TSPAN31: variants seen among roughly 807,000 people sequenced by gnomAD.
The protein encoded by TSPAN31 is tetraspanin-31.
A neutral mutation model predicts 24.8 loss-of-function variants in TSPAN31; 16 were observed. The ratio of observed to expected loss-of-function variants is 0.64; its 90% CI spans 0.44 to 0.98. TSPAN31 has a LOEUF of 0.98. Among genes scored for constraint, TSPAN31 ranks in the 50% least tolerant of loss-of-function variants. TSPAN31 has a pLI of 0.00. For synonymous variants in TSPAN31, 87 were observed against 91.4 expected (o/e 0.95, Z 0.27); for missense variants, 209 against 251.6 (o/e 0.83, Z 1.15).
At position 57,749,933 on chromosome 12, in the gene TSPAN31, GTTGC is replaced by G; in HGVS notation, c.*2644_*2647del. ...AATTGCTTGAATCTGGGAGGTGGAG[GTTGC>G]AGTGAGCAGAGATCGCACTACTGCA... On this transcript the variant is annotated 3_prime_UTR_variant, in exon 6 of 6. Transcript: ENST00000257910. 1 of 266,906 alleles carries G rather than the reference GTTGC, an allele frequency of 3.7e-6. No individual in the cohort carries two copies. The highest frequency in any genetic ancestry group is 5.0e-5 in the Admixed American group (1 of 20,022). The allele number at this position is 266,906 out of a possible 1,614,324, so 16.5% of individuals were successfully genotyped here. A position where few individuals can be genotyped will look rare whatever the true frequency, so the allele number is the denominator to read the frequency against.
At chr12:57,746,400 G>A (rs1172071294) in intron 3 of TSPAN31, 144 bp downstream of exon 3, 1 of 1,118,512 alleles carries the variant, frequency 8.9e-7, no homozygotes, top group Non-Finnish European at 1.4e-6. Flanking sequence ...TGCTTCCTCT[G>A]GGATGTCTGG....
rs1442660334 is a variant in TSPAN31, at chr12:57,749,562, G to T, written c.*2272G>T. On this transcript the variant is annotated 3_prime_UTR_variant, in exon 6 of 6. Transcript: ENST00000257910. ...TTTTCAAAGATATCTTAGTTGAATG[G>T]TTACTGCTTAGTGGCTCAAAATAGG... 2.0e-6 allele frequency: 3 copies of T among 1,519,020 alleles called. No individual in the cohort carries two copies. The highest frequency in any genetic ancestry group is 1.4e-5 in the African/African-American group (1 of 72,818). The allele number at this position is 1,519,020 out of a possible 1,614,324, so 94.1% of individuals were successfully genotyped here. A position where few individuals can be genotyped will look rare whatever the true frequency, so the allele number is the denominator to read the frequency against.
chr12:57,746,934 A>G, intron 4 of TSPAN31, 84 bp from the exon 5 acceptor site: 1 of 1,419,028 alleles, frequency 7.0e-7, no homozygotes, highest in African/African-American at 1.4e-5. Context: ...GATAACAGTA[A>G]AGTTTCTAGG....
Position 57,745,346 on chromosome 12 carries a change from G to A in TSPAN31, c.63+129G>A, listed in dbSNP as rs1444555338. ...GATTCCCAGGAACTTCCGGCGACGA[G>A]GGAATTCCTGGGGACTTCCGTGGGA... On this transcript the variant is annotated intron_variant, in intron 1 of 5. Transcript: ENST00000257910. The A allele has an allele frequency of 2.4e-5, 24 of 1,020,840 alleles. 1 individual carries two copies. The East Asian group carries it at 6.1e-4, about 26-fold the overall frequency. 63.2% of individuals were successfully genotyped at this position (1,020,840 alleles called of 1,614,324 possible). A position where few individuals can be genotyped will look rare whatever the true frequency, so the allele number is the denominator to read the frequency against.
rs746242512 is a variant in TSPAN31, at chr12:57,748,704, T to G, written c.*1414T>G. The G allele has an allele frequency of 5.5e-6, 5 of 911,204 alleles. No individual in the cohort carries two copies. The highest frequency in any genetic ancestry group is 8.9e-6 in the Non-Finnish European group (5 of 561,488). The allele number at this position is 911,204 out of a possible 1,614,324, so 56.4% of individuals were successfully genotyped here. A position where few individuals can be genotyped will look rare whatever the true frequency, so the allele number is the denominator to read the frequency against. On this transcript the variant is annotated 3_prime_UTR_variant, in exon 6 of 6. Coordinates refer to ENST00000257910, the MANE Select transcript of TSPAN31 (RefSeq NM_005981.5). Reference sequence around the variant, plus strand: ...AATACCTGGGATGAGCTTTCTTCTTTTTTCTTTTTTTTTTTTTTTGAGACG... The same window carrying G: ...AATACCTGGGATGAGCTTTCTTCTTGTTTCTTTTTTTTTTTTTTTGAGACG...
At chr12:57,746,748 C>A (rs923091709) in intron 4 of TSPAN31, 28 bp downstream of exon 4, 7 of 1,613,188 alleles carry the variant, frequency 4.3e-6, no homozygotes, top group South Asian at 1.1e-5. Context: ...GGTGCAGCAG[C>A]CAGGGGAGGT....
intron 1 of TSPAN31, 192 bp downstream of exon 1, chr12:57,745,409 AG>A (rs1243115291): frequency 1.1e-5 from 7 of 621,536 alleles, no homozygotes; most frequent in African/African-American, 3.8e-5. Context: ...GGTTTGTCTG[AG>A]GGTGGGGGAA....
chr12:57,746,925 A>G (rs1955161848), intron 4 of TSPAN31, 93 bp from the exon 5 acceptor site: 17 of 1,383,496 alleles, frequency 1.2e-5, no homozygotes, highest in Middle Eastern at 1.8e-4. Flanking sequence ...CACTGGTCAG[A>G]TAACAGTAAA....
At position 57,745,737 on chromosome 12, in the gene TSPAN31, C is replaced by G; in HGVS notation, c.64-8C>G. Reference sequence around the variant, plus strand: ...ATTGTTGAGATGTATCCTGCTCTTTCTTCGTAGCTGGTGAGCTTGTTGCTC... The same window carrying G: ...ATTGTTGAGATGTATCCTGCTCTTTGTTCGTAGCTGGTGAGCTTGTTGCTC... On this transcript the variant is annotated splice_region_variant and splice_polypyrimidine_tract_variant and intron_variant, in intron 1 of 5. Transcript: ENST00000257910. 1 of 1,614,006 alleles carries G rather than the reference C, an allele frequency of 6.2e-7. No homozygotes were observed. Among genetic ancestry groups the G allele is most frequent in the Admixed American group, 1.7e-5 (1 of 59,944 alleles).
chr12:57,746,481 A>G lies in TSPAN31; in HGVS notation c.313-108A>G, dbSNP rs568806909. On this transcript the variant is annotated intron_variant, in intron 3 of 5. Coordinates refer to ENST00000257910, the MANE Select transcript of TSPAN31 (RefSeq NM_005981.5). ...TTTATCGTGTCTATAATTGTTGCAC[A>G]CCGTTATGCTTCTGTTTGACTTCCT... is the stretch of plus-strand genomic sequence containing the variant. 2.9e-6 allele frequency: 4 copies of G among 1,385,600 alleles called. No homozygotes were observed. In the African/African-American group the frequency reaches 4.3e-5, roughly 15 times the overall value. 85.8% of individuals were successfully genotyped at this position (1,385,600 alleles called of 1,614,324 possible).
Position 57,745,041 on chromosome 12 carries a change from T to C in TSPAN31, c.-114T>C, listed in dbSNP as rs28364702. 574 of 984,570 alleles carry C rather than the reference T, an allele frequency of 5.8e-4. 6 individuals are homozygous for C. In the East Asian group the frequency reaches 0.014, roughly 25 times the overall value. 61.0% of individuals were successfully genotyped at this position (984,570 alleles called of 1,614,324 possible). On this transcript the variant is annotated 5_prime_UTR_variant, in exon 1 of 6. Coordinates refer to ENST00000257910, the MANE Select transcript of TSPAN31 (RefSeq NM_005981.5). ...GAGGGACGGTGCAGGCGCAGAGTATTGGGTTTGGCTGGCCTCGATTTAAAG... is the reference window on the plus strand; with the variant it reads ...GAGGGACGGTGCAGGCGCAGAGTATCGGGTTTGGCTGGCCTCGATTTAAAG...
rs1204855384 is a variant in TSPAN31 at position 57,745,783 on chromosome 12, C to T, written c.102C>T (p.Gly34=). The part of the protein sequence containing the change: ...SLLLIGVAAW[G]KGLGLVSSIH... ...TGCTCATTGGAGTGGCTGCTTGGGGCAAGGGCCTGGGTCTGGTGTCCAGCA... is the reference window on the plus strand; with the variant it reads ...TGCTCATTGGAGTGGCTGCTTGGGGTAAGGGCCTGGGTCTGGTGTCCAGCA... Residue 34 remains glycine, a synonymous_variant, in exon 2 of 6, where the codon GGC becomes GGT. Coordinates refer to ENST00000257910, the MANE Select transcript of TSPAN31 (RefSeq NM_005981.5). The T allele has an allele frequency of 1.9e-6, 3 of 1,613,422 alleles. No homozygotes were observed. In the African/African-American group the frequency reaches 4.0e-5, roughly 22 times the overall value.
Position 57,748,079 on chromosome 12 carries a change from C to G in TSPAN31, c.*789C>G, listed in dbSNP as rs1048066. On this transcript the variant is annotated 3_prime_UTR_variant, in exon 6 of 6. Transcript: ENST00000257910. ...TCAAAGAAGCAATTTCAGTTCCTTT[C>G]TAAGCTTTGTCAGTCAAGGGGCTCC... The G allele has an allele frequency of 1.1e-5, 3 of 272,570 alleles. No individual in the cohort carries two copies. The highest frequency in any genetic ancestry group is 2.1e-5 in the Non-Finnish European group (3 of 141,834). 16.9% of individuals were successfully genotyped at this position (272,570 alleles called of 1,614,324 possible). A position where few individuals can be genotyped will look rare whatever the true frequency, so the allele number is the denominator to read the frequency against.
Position 57,747,900 on chromosome 12 carries a change from G to A in TSPAN31, c.*610G>A, listed in dbSNP as rs545299499. The A allele has an allele frequency of 3.3e-5, 6 of 183,038 alleles. 1 individual carries two copies. Among genetic ancestry groups the A allele is most frequent in the Admixed American group, 1.7e-4 (3 of 17,362 alleles). The allele number at this position is 183,038 out of a possible 1,614,324, so 11.3% of individuals were successfully genotyped here. On this transcript the variant is annotated 3_prime_UTR_variant, in exon 6 of 6. Transcript: ENST00000257910. ...TGGGATTACAGGTGTGCACCACCAC[G>A]CCTGACTAATTTTGTATTTTTAGTA...
chr12:57,746,854 G>A, intron 4 of TSPAN31, 134 bp downstream of exon 4: 1 of 1,419,174 alleles, frequency 7.0e-7, no homozygotes, highest in South Asian at 1.3e-5. Context: ...GGCTGTGTTG[G>A]TGGGAGGTGG....
In TSPAN31 at chr12:57,746,156, T is replaced by C; in HGVS notation, c.232-20T>C. 1 of 1,608,884 alleles carries C rather than the reference T, an allele frequency of 6.2e-7. No individual in the cohort carries two copies. Among genetic ancestry groups the C allele is most frequent in the Non-Finnish European group, 8.5e-7 (1 of 1,175,232 alleles). On this transcript the variant is annotated intron_variant, in intron 2 of 5. Transcript: ENST00000257910. ...AACATAAAGGAATCTAGGACTTTTT[T>C]CCATAACCTTTCCTCTCAGTACATG... is the stretch of plus-strand genomic sequence containing the variant.
rs920168178 is a variant in TSPAN31 at position 57,750,079 on chromosome 12, A to C, written c.*2789A>C. ...TGAGATGGGAGGATTGCTTTAGCCC[A>C]GGAGGTAGAGGCTACAGTGAGCTGT... On this transcript the variant is annotated 3_prime_UTR_variant, in exon 6 of 6. Transcript: ENST00000257910. 6.4e-6 allele frequency: 1 copy of C among 156,982 alleles called. No individual in the cohort carries two copies. Among genetic ancestry groups the C allele is most frequent in the African/African-American group, 2.4e-5 (1 of 41,294 alleles). 9.7% of individuals were successfully genotyped at this position (156,982 alleles called of 1,614,324 possible).
In TSPAN31 at chr12:57,749,190, G is replaced by T. The variant is rs1402005760; in HGVS notation, c.*1900G>T. The T allele has an allele frequency of 6.2e-7, 1 of 1,613,902 alleles. No homozygotes were observed. The highest frequency in any genetic ancestry group is 8.5e-7 in the Non-Finnish European group (1 of 1,179,870). ...ACAGCCATCTCCAGTACCAGCAGCAGCTGTGCTCCCGACTCCTCCATCTCA... is the reference window on the plus strand; with the variant it reads ...ACAGCCATCTCCAGTACCAGCAGCATCTGTGCTCCCGACTCCTCCATCTCA... On this transcript the variant is annotated 3_prime_UTR_variant, in exon 6 of 6. Transcript: ENST00000257910.
intron 4 of TSPAN31, 63 bp downstream of exon 4, chr12:57,746,783 C>A: frequency 6.2e-7 from 1 of 1,604,196 alleles, no homozygotes; most frequent in South Asian, 1.1e-5. Flanking sequence ...GGACAATGCC[C>A]AAGTTGGCAA....
Sources: gnomAD v4.1 joint callset for allele counts on GRCh38, gnomAD v4.1.1 for gene constraint, MANE v1.5 for transcripts, NCBI Gene and HGNC (gene_info 2026-07-23, HGNC 2026-07-21) for gene names.